The following CC2D1A variants were observed in gnomAD, a reference collection of about 807,000 sequenced individuals.
CC2D1A encodes coiled-coil and C2 domain-containing protein 1A.
CC2D1A carries 68 observed loss-of-function variants against 123.8 expected under a neutral mutation model. That is an observed-to-expected ratio of 0.55 (90% CI 0.45 to 0.67). The LOEUF is 0.67. Ranked by LOEUF, CC2D1A falls within the 30% of genes least tolerant of loss-of-function variation. The pLI is 0.00. For missense variants in CC2D1A, 1,185 were observed against 1,290.3 expected (o/e 0.92, Z 1.25); for synonymous variants, 477 against 528.0 (o/e 0.90, Z 1.32).
chr19:13,929,503 G>A (rs766375452), intron 25 of CC2D1A, 31 bp from the exon 26 acceptor site: 1 of 1,612,532 alleles, frequency 6.2e-7, no homozygotes, highest in Non-Finnish European at 8.5e-7. Flanking sequence ...GGCCCAGGCA[G>A]GATCCTCACA....
At chr19:13,909,586 T>G in intron 1 of CC2D1A, 1 of 588,610 alleles carries the variant, frequency 1.7e-6, no homozygotes, top group Non-Finnish European at 3.2e-6. Flanking sequence ...TAAGTGTGGA[T>G]TCAGATCAGA....
chr19:13,925,959 T>TATATATAC (rs1474864367), intron 17 of CC2D1A, among the ~76,000 whole-genome samples: 2 of 120,418 alleles, frequency 1.7e-5, no homozygotes, highest in African/African-American at 7.7e-5. Flanking sequence ...TATATATATA[T>TATATATAC]ACACGTATAT....
rs1320599346 is a variant in CC2D1A, at chr19:13,924,391, C to T, written c.1940+580C>T. On this transcript the variant is annotated intron_variant, in intron 17 of 28. Transcript: ENST00000318003. ...TTCACCGTGTTAGCCAGGATGGTCT[C>T]GATCTCTTGACCTCGTGATCCGCCC... Among the ~76,000 whole-genome samples the T allele has an allele frequency of 2.0e-5, 3 of 152,074 alleles. No individual in the cohort carries two copies. The East Asian group carries it at 5.8e-4, about 29-fold the overall frequency.
chr19:13,912,560 G>A lies in CC2D1A; in HGVS notation c.345G>A (p.Gln115=). The change falls in exon 4 of 29, where the codon CAG becomes CAA. Residue 115 remains glutamine, a synonymous_variant. Coordinates refer to ENST00000318003, the MANE Select transcript of CC2D1A (RefSeq NM_017721.5). ...AELNEVLGEE[Q]KASETPPPVA... ...TAAATGAGGTCCTTGGAGAGGAGCA[G>A]AAGGCTTCAGAGACCCCACCTCCTG... 1 of 1,614,122 alleles carries A rather than the reference G, an allele frequency of 6.2e-7. No homozygotes were observed. The highest frequency in any genetic ancestry group is 8.5e-7 in the Non-Finnish European group (1 of 1,180,022).
At chr19:13,920,097 T>A (rs1019570554) in intron 12 of CC2D1A, 146 bp downstream of exon 12, 38 of 767,246 alleles carry the variant, frequency 5.0e-5, no homozygotes, top group African/African-American at 9.0e-5. Flanking sequence ...AAAAATTTTT[T>A]AAAATTAGCC....
At chr19:13,912,256 C>A in intron 2 of CC2D1A, 67 bp from the exon 3 acceptor site, 3 of 1,494,236 alleles carry the variant, frequency 2.0e-6, no homozygotes, top group Admixed American at 2.2e-5. Flanking sequence ...CCTAGCGTGT[C>A]CAGGATGGGA....
chr19:13,921,827 G>A (rs1026398448), intron 14 of CC2D1A, among the ~76,000 whole-genome samples: 3 of 152,140 alleles, frequency 2.0e-5, no homozygotes, highest in Non-Finnish European at 2.9e-5. Flanking sequence ...ATTCCTTGAG[G>A]CCAGGAGCTC....
chr19:13,927,646 C>T (rs549125470), intron 22 of CC2D1A: 6 of 501,994 alleles, frequency 1.2e-5, no homozygotes, highest in South Asian at 9.5e-5. Context: ...GGCATGGTGG[C>T]GGGCGCCTGT....
At chr19:13,921,057 C>T in intron 14 of CC2D1A, 135 bp downstream of exon 14, 1 of 832,322 alleles carries the variant, frequency 1.2e-6, no homozygotes, top group Non-Finnish European at 1.8e-6. Context: ...AAGACAATGG[C>T]TGAAAGGAGA....
At position 13,927,796 on chromosome 19, in the gene CC2D1A, C is replaced by A. The variant is rs534008230; in HGVS notation, c.2317-97C>A. 1,951 of 1,205,748 alleles carry A rather than the reference C, an allele frequency of 1.6e-3. 3 individuals are homozygous for A. The highest frequency in any genetic ancestry group is 9.4e-3 in the African/African-American group (576 of 61,166). The allele number at this position is 1,205,748 out of a possible 1,614,324, so 74.7% of individuals were successfully genotyped here. On this transcript the variant is annotated intron_variant, in intron 22 of 28. Coordinates refer to ENST00000318003, the MANE Select transcript of CC2D1A (RefSeq NM_017721.5). ...GACTCTATCTCAGAAAAAAAAAAAA[C>A]CAAAAAAAAAAACCAGTCTTGTTCT... is the stretch of plus-strand genomic sequence containing the variant.
Position 13,912,516 on chromosome 19 carries a change from G to A in CC2D1A, c.313-12G>A. 1 of 1,614,134 alleles carries A rather than the reference G, an allele frequency of 6.2e-7. No homozygotes were observed. Among genetic ancestry groups the A allele is most frequent in the Non-Finnish European group, 8.5e-7 (1 of 1,180,034 alleles). Reference sequence around the variant, plus strand: ...GGCCCTTATATCCTGCCCTGGCTGTGTGTCCCTGCAGGCGGAGCTAAATGA... The same window carrying A: ...GGCCCTTATATCCTGCCCTGGCTGTATGTCCCTGCAGGCGGAGCTAAATGA... On this transcript the variant is annotated splice_polypyrimidine_tract_variant and intron_variant, in intron 3 of 28. Coordinates refer to ENST00000318003, the MANE Select transcript of CC2D1A (RefSeq NM_017721.5).
rs1321323559 is a variant in CC2D1A, at chr19:13,919,201, A to T, written c.1221A>T (p.Pro407=). The change falls in exon 11 of 29, where the codon CCA becomes CCT. Residue 407 remains proline, a splice_region_variant and synonymous_variant. Transcript: ENST00000318003. ...ATGTCGCTGAATTGCCCGTGCCCCC[A>T]GGTAGGCCTTGCCCCTGTAGGCCTC... is the stretch of plus-strand genomic sequence containing the variant. ...AVDVAELPVP[P]GFPPIQGLEA... 1.3e-5 allele frequency: 21 copies of T among 1,611,226 alleles called. No homozygotes were observed. Among genetic ancestry groups the T allele is most frequent in the Non-Finnish European group, 1.6e-5 (19 of 1,178,864 alleles).
Position 13,919,905 on chromosome 19 carries a change from A to G in CC2D1A, c.1310A>G (p.Asn437Ser). The G allele has an allele frequency of 1.3e-5, 21 of 1,613,376 alleles. No individual in the cohort carries two copies. Among genetic ancestry groups the G allele is most frequent in the Non-Finnish European group, 1.8e-5 (21 of 1,179,864 alleles). Residue 437 changes from asparagine (N) to serine (S), a missense_variant, in exon 12 of 29, where the codon AAC (asparagine) becomes AGC (serine). Coordinates refer to ENST00000318003, the MANE Select transcript of CC2D1A (RefSeq NM_017721.5). The stretch of plus-strand genomic sequence containing the variant: ...CTGGAGACTGCCATGAAGCTGGCCA[A>G]CCAGGATGAAGGCCCAGAGGATGAA... The part of the protein sequence containing the change: ...GVLETAMKLA[N>S]QDEGPEDEED...
intron 22 of CC2D1A, chr19:13,927,488 A>G: frequency 5.4e-6 from 3 of 556,086 alleles, no homozygotes; most frequent in Admixed American, 6.1e-5. Context: ...TATTTTAGAA[A>G]CCACTCTTGG....
rs1289685447 is a variant in CC2D1A at position 13,909,952 on chromosome 19, G to C, written c.190G>C (p.Gly64Arg). 3 of 1,515,638 alleles carry C rather than the reference G, an allele frequency of 2.0e-6. No homozygotes were observed. In the Admixed American group the frequency reaches 6.8e-5, roughly 34 times the overall value. The allele number at this position is 1,515,638 out of a possible 1,614,324, so 93.9% of individuals were successfully genotyped here. The stretch of plus-strand genomic sequence containing the variant: ...GCCCCCAGCCCTGGAGAAGCTCAAA[G>C]GCAAAGGTGAGATGGTTAACACACC... Reference protein sequence around the residue: ...GQPPALEKLKGKGPLPMEAIE... With the variant: ...GQPPALEKLKRKGPLPMEAIE... Residue 64 changes from glycine to arginine, a missense_variant, in exon 2 of 29, where the codon GGC (glycine) becomes CGC (arginine). Gly to Arg is a moderately radical substitution (Grantham distance 125). Coordinates refer to ENST00000318003, the MANE Select transcript of CC2D1A (RefSeq NM_017721.5).
At position 13,923,543 on chromosome 19, in the gene CC2D1A, C is replaced by T. The variant is rs769035762; in HGVS notation, c.1765-5C>T. 1 of 1,614,162 alleles carries T rather than the reference C, an allele frequency of 6.2e-7. No individual in the cohort carries two copies. The highest frequency in any genetic ancestry group is 8.5e-7 in the Non-Finnish European group (1 of 1,180,030). On this transcript the variant is annotated splice_polypyrimidine_tract_variant and splice_region_variant and intron_variant, in intron 15 of 28. Transcript: ENST00000318003. The surrounding 1 kb of genome is among the most constrained non-coding windows in gnomAD (Gnocchi z 5.3). The stretch of plus-strand genomic sequence containing the variant: ...CCCTCGACTCACTGCCTTCTGTTTC[C>T]CCAGATGTGCCTGAACCACTCAAAC...
intron 14 of CC2D1A, among the ~76,000 whole-genome samples, chr19:13,921,590 G>A (rs1333703494): frequency 6.6e-6 from 1 of 151,730 alleles, no homozygotes; most frequent in Non-Finnish European, 1.5e-5. Context: ...TGAACTGGGC[G>A]CCCAGCAAAG....
At chr19:13,918,247 C>T (rs1971276997) in intron 7 of CC2D1A, 53 bp downstream of exon 7, 3 of 1,475,262 alleles carry the variant, frequency 2.0e-6, no homozygotes, top group African/African-American at 1.4e-5. Context: ...ATGCTTCCCA[C>T]GTGGCCTGGT....
chr19:13,911,545 GTTT>G (rs556216830), intron 2 of CC2D1A, among the ~76,000 whole-genome samples: 5 of 127,296 alleles, frequency 3.9e-5, no homozygotes, highest in Admixed American at 8.0e-5. Flanking sequence ...GTGTGTGTGT[GTTT>G]TTTTTTTTTT....
Sources: allele counts gnomAD v4.1 joint callset (sites outside exome capture counted in the v4.1 genomes callset), GRCh38; gene constraint gnomAD v4.1.1; non-coding constraint Gnocchi (gnomAD v3.1); transcripts MANE v1.5; gene names NCBI Gene and HGNC (gene_info 2026-07-23, HGNC 2026-07-21).